PDE4D: variants seen among roughly 807,000 people sequenced by gnomAD.
PDE4D encodes phosphodiesterase 4D.
PDE4D carries 24 observed loss-of-function variants against 87.4 expected under a neutral mutation model. The observed-to-expected ratio is 0.27, with a 90% CI of 0.20 to 0.39. PDE4D has a LOEUF of 0.39. Among genes scored for constraint, PDE4D ranks in the 10% least tolerant of loss-of-function variants. The pLI, the probability that PDE4D is intolerant of heterozygous loss-of-function variation, is 1.00. For synonymous variants in PDE4D, 384 were observed against 383.2 expected (o/e 1.00, Z -0.02); for missense variants, 714 against 1,041.0 (o/e 0.69, Z 4.32).
chr5:60,296,173 A>C (rs1483655847), intron 1 of PDE4D, among the ~76,000 whole-genome samples: 1 of 152,198 alleles, frequency 6.6e-6, no homozygotes, highest in Admixed American at 6.5e-5. Context: ...GGAGGGACAC[A>C]AACATTCAGA....
intron 1 of PDE4D, chr5:59,768,102 A>T: frequency 9.7e-7 from 1 of 1,029,070 alleles, no homozygotes; most frequent in Non-Finnish European, 1.4e-6. Flanking sequence ...TGTGGGATTT[A>T]TGGTTAAGGG....
intron 1 of PDE4D, among the ~76,000 whole-genome samples, chr5:59,889,195 A>T (rs1750590539): frequency 6.9e-6 from 1 of 145,772 alleles, no homozygotes; most frequent in Admixed American, 7.1e-5. Flanking sequence ...GCCACTGCAC[A>T]CTCCAGCCTG....
chr5:60,326,536 A>G (rs1190936897), intron 1 of PDE4D, among the ~76,000 whole-genome samples: 1 of 152,120 alleles, frequency 6.6e-6, no homozygotes, highest in Non-Finnish European at 1.5e-5. Flanking sequence ...AGAAAATTTT[A>G]AGAATTAAGT....
chr5:59,264,323 C>T (rs1009883955), intron 1 of PDE4D, among the ~76,000 whole-genome samples: 2 of 152,014 alleles, frequency 1.3e-5, no homozygotes, highest in Non-Finnish European at 2.9e-5. Flanking sequence ...TGGTTTTAAA[C>T]AATGCAGACT....
intron 1 of PDE4D, among the ~76,000 whole-genome samples, chr5:59,267,665 CT>C (rs1194295456): frequency 3.3e-5 from 5 of 152,050 alleles, no homozygotes; most frequent in Non-Finnish European, 7.4e-5. Context: ...ATTATATCTA[CT>C]GACAACTAAG....
chr5:59,461,591 G>A (rs1407017913), intron 1 of PDE4D, among the ~76,000 whole-genome samples: 2 of 152,120 alleles, frequency 1.3e-5, no homozygotes, highest in Admixed American at 6.6e-5. Flanking sequence ...GTTAATAAAA[G>A]CCTAGACAGC....
At chr5:60,428,553 C>A (rs577091534) in intron 1 of PDE4D, among the ~76,000 whole-genome samples, 1 of 152,052 alleles carries the variant, frequency 6.6e-6, no homozygotes, top group East Asian at 1.9e-4. Flanking sequence ...ATTATACATG[C>A]GACTATGCAA....
chr5:60,394,722 A>G, intron 1 of PDE4D, among the ~76,000 whole-genome samples: 1 of 152,206 alleles, frequency 6.6e-6, no homozygotes, highest in Non-Finnish European at 1.5e-5. Flanking sequence ...TGAAGTAAAG[A>G]CTTTCAGTTA....
At chr5:60,080,848 G>A (rs563311652) in intron 2 of PDE4D, among the ~76,000 whole-genome samples, 1 of 152,112 alleles carries the variant, frequency 6.6e-6, no homozygotes, top group Non-Finnish European at 1.5e-5. Context: ...TTCCTTTTTT[G>A]TTGTGTCTCT....
At chr5:59,147,274 TG>T (rs1458816914) in intron 5 of PDE4D, among the ~76,000 whole-genome samples, 2 of 152,214 alleles carry the variant, frequency 1.3e-5, no homozygotes, top group Non-Finnish European at 2.9e-5. Context: ...AAATATTGAA[TG>T]GTTTTAAATA....
chr5:60,351,509 T>C (rs1759189538), intron 1 of PDE4D, among the ~76,000 whole-genome samples: 1 of 152,166 alleles, frequency 6.6e-6, no homozygotes, highest in Non-Finnish European at 1.5e-5. Context: ...CTTTAGCAGC[T>C]ATCTTGGATC....
rs1373208779 is a variant in PDE4D, at chr5:59,893,448, G to C, written c.175C>G (p.Pro59Ala). 7.2e-6 allele frequency: 11 copies of C among 1,517,274 alleles called. No individual in the cohort carries two copies. In the African/African-American group the frequency reaches 1.4e-4, roughly 20 times the overall value. 94.0% of individuals were successfully genotyped at this position (1,517,274 alleles called of 1,614,324 possible). ...GGCTGGGGCGAGGGTGGCGGCGGCG[G>C]GGGCAGGTGGTGATGGGGATGCAGG... is the stretch of plus-strand genomic sequence containing the variant. ...RLLHPHHHLP[P>A]PPPPSPQPQP... The change falls in exon 1 of 15, where the codon CCG becomes GCG. Residue 59 changes from proline to alanine, a missense_variant. This residue lies in a region of PDE4D where 268 missense variants were observed against 272.9 expected (regional missense o/e 0.98). Coordinates refer to ENST00000340635, the MANE Select transcript of PDE4D (RefSeq NM_001104631.2).
At chr5:59,225,805 C>T (rs575052530) in intron 1 of PDE4D, among the ~76,000 whole-genome samples, 1 of 150,572 alleles carries the variant, frequency 6.6e-6, no homozygotes, top group African/African-American at 2.5e-5. Context: ...GCAAAACCCC[C>T]CCAAAACCCA....
chr5:59,354,758 C>T (rs1178059817), intron 1 of PDE4D, among the ~76,000 whole-genome samples: 1 of 152,058 alleles, frequency 6.6e-6, no homozygotes, highest in Non-Finnish European at 1.5e-5. Context: ...GTTGGCTATG[C>T]CAATAAAACA....
intron 1 of PDE4D, among the ~76,000 whole-genome samples, chr5:60,333,864 T>C (rs1757516203): frequency 6.6e-6 from 1 of 150,782 alleles, no homozygotes; most frequent in Non-Finnish European, 1.5e-5. Flanking sequence ...AGGGAAAGAG[T>C]GGAGGAAAAG....
intron 1 of PDE4D, among the ~76,000 whole-genome samples, chr5:59,410,053 TA>T (rs1393900958): frequency 2.0e-5 from 3 of 152,214 alleles, no homozygotes; most frequent in Non-Finnish European, 4.4e-5. Context: ...CTCAAGCATT[TA>T]TCATTTCTTT....
chr5:60,459,033 TTTA>T (rs1291238551), intron 1 of PDE4D, among the ~76,000 whole-genome samples: 1 of 152,058 alleles, frequency 6.6e-6, no homozygotes, highest in Non-Finnish European at 1.5e-5. Context: ...TACATTTAGT[TTTA>T]TTGTAACAAA....
chr5:60,326,272 T>C (rs1244319080), intron 1 of PDE4D, among the ~76,000 whole-genome samples: 1 of 152,148 alleles, frequency 6.6e-6, no homozygotes, highest in African/African-American at 2.4e-5. Flanking sequence ...CTGTACTATT[T>C]TACATTCCCA....
chr5:59,842,098 C>A (rs1037999746), intron 1 of PDE4D, among the ~76,000 whole-genome samples: 2 of 151,986 alleles, frequency 1.3e-5, no homozygotes, highest in Non-Finnish European at 2.9e-5. Context: ...AGAGTGATCA[C>A]CCTGGTTTCC....
Sources: gnomAD v4.1 joint callset for allele counts (sites outside exome capture counted in the v4.1 genomes callset) on GRCh38, gnomAD v4.1.1 for gene constraint, gnomAD v4.1.1 regional missense constraint, MANE v1.5 for transcripts, NCBI Gene and HGNC (gene_info 2026-07-23, HGNC 2026-07-21) for gene names.